The following SASH1 variants were observed in gnomAD, a reference collection of about 807,000 sequenced individuals.
SASH1 encodes SAM and SH3 domain containing 1.
A neutral mutation model predicts 125.2 loss-of-function variants in SASH1; 44 were observed. The ratio of observed to expected loss-of-function variants is 0.35; its 90% CI spans 0.28 to 0.45. The LOEUF is 0.45. Among genes scored for constraint, SASH1 ranks in the 20% least tolerant of loss-of-function variants. SASH1 has a pLI of 1.00. For synonymous variants in SASH1, 639 were observed against 649.1 expected (o/e 0.98, Z 0.24); for missense variants, 1,426 against 1,614.5 (o/e 0.88, Z 2.00).
rs1554235319 is a variant in SASH1 at position 148,326,343 on chromosome 6, T to TATATATGC, written n.74+53972_74+53973insGCATATAT. Among the ~76,000 whole-genome samples the TATATATGC allele has an allele frequency of 1.5e-3, 133 of 88,534 alleles. 5 individuals are homozygous for TATATATGC. The highest frequency in any genetic ancestry group is 4.9e-3 in the African/African-American group (114 of 23,484). The allele number at this position is 88,534 out of a possible 152,430, so 58.1% of individuals were successfully genotyped here. A position where few individuals can be genotyped will look rare whatever the true frequency, so the allele number is the denominator to read the frequency against. ...GCATGCATATATATATATATATATA[T>TATATATGC]ATATATATATATATGCATATATATA... On this transcript the variant is annotated intron_variant and non_coding_transcript_variant, in intron 1 of 3. Transcript: ENST00000367469.
At chr6:148,522,560 T>G (rs1780886492) in intron 10 of SASH1, among the ~76,000 whole-genome samples, 1 of 152,236 alleles carries the variant, frequency 6.6e-6, no homozygotes, top group African/African-American at 2.4e-5. Context: ...TTGTCTCGTA[T>G]TTTATTTGGT....
intron 1 of SASH1, among the ~76,000 whole-genome samples, chr6:148,335,240 G>A (rs1001471126): frequency 6.6e-6 from 1 of 151,512 alleles, no homozygotes; most frequent in Non-Finnish European, 1.5e-5. Flanking sequence ...AGAGGTTGCA[G>A]TGAGCTGAGA....
chr6:148,509,728 G>C (rs1780009497), intron 8 of SASH1, among the ~76,000 whole-genome samples: 1 of 152,252 alleles, frequency 6.6e-6, no homozygotes, highest in Non-Finnish European at 1.5e-5. Flanking sequence ...AGCAGTGACA[G>C]GTTTACTTGG....
chr6:148,473,916 CTCAA>C (rs1392201642), intron 6 of SASH1, among the ~76,000 whole-genome samples, 190 bp from the exon 7 acceptor site: 1 of 152,212 alleles, frequency 6.6e-6, no homozygotes, highest in Non-Finnish European at 1.5e-5. Context: ...AAGCCTGTTT[CTCAA>C]TCAGAGGTGC....
chr6:148,324,851 A>C (rs1031720352), intron 1 of SASH1, among the ~76,000 whole-genome samples: 9 of 152,210 alleles, frequency 5.9e-5, no homozygotes, highest in African/African-American at 1.9e-4. Flanking sequence ...GGGCACCCTA[A>C]GTCTGCTAAC....
At chr6:148,292,056 G>T (rs541417919) in intron 1 of SASH1, among the ~76,000 whole-genome samples, 27 of 152,272 alleles carry the variant, frequency 1.8e-4, no homozygotes, top group Admixed American at 3.3e-4. Flanking sequence ...GGAAAAAAAC[G>T]CCTGAATATG....
At chr6:148,229,548 T>C in the SASH1 span, among the ~76,000 whole-genome samples, 22 of 152,196 alleles carry the variant, frequency 1.4e-4, no homozygotes, top group Middle Eastern at 3.4e-3. Flanking sequence ...ACACCAGAGT[T>C]ATACCTCAAC....
chr6:148,366,054 G>A (rs1562354966), intron 1 of SASH1, among the ~76,000 whole-genome samples: 2 of 151,970 alleles, frequency 1.3e-5, no homozygotes, highest in Admixed American at 1.3e-4. Context: ...TGGAGGTTGC[G>A]GTGAGCCGAG....
intron 2 of SASH1, among the ~76,000 whole-genome samples, chr6:148,437,914 G>C (rs1008337693): frequency 1.3e-5 from 2 of 152,148 alleles, no homozygotes; most frequent in African/African-American, 4.8e-5. Context: ...TTACGTTTGT[G>C]ATATGACATG....
chr6:148,260,223 A>G, the SASH1 span, among the ~76,000 whole-genome samples: 1 of 152,192 alleles, frequency 6.6e-6, no homozygotes, highest in African/African-American at 2.4e-5. Flanking sequence ...TACCATTTTC[A>G]TAATGTTTTT....
chr6:148,261,386 T>C, the SASH1 span, among the ~76,000 whole-genome samples: 1 of 152,180 alleles, frequency 6.6e-6, no homozygotes, highest in African/African-American at 2.4e-5. Context: ...TTATAAAACA[T>C]GTGCCTCTCT....
chr6:148,534,440 C>T (rs533858901), intron 15 of SASH1, among the ~76,000 whole-genome samples: 5 of 152,266 alleles, frequency 3.3e-5, no homozygotes, highest in East Asian at 3.9e-4. Context: ...GGAGGAGTCT[C>T]CTCTGTTGTG....
At chr6:148,219,187 T>C in the SASH1 span, among the ~76,000 whole-genome samples, 2 of 152,302 alleles carry the variant, frequency 1.3e-5, no homozygotes, top group South Asian at 4.1e-4. Flanking sequence ...CTATTTGGCC[T>C]AGGTTCTCCA....
chr6:148,501,246 A>C (rs940770375), intron 8 of SASH1, among the ~76,000 whole-genome samples: 1 of 152,154 alleles, frequency 6.6e-6, no homozygotes, highest in Non-Finnish European at 1.5e-5. Flanking sequence ...CTGTCGGAGA[A>C]GTCATCGTGC....
upstream of SASH1, among the ~76,000 whole-genome samples, chr6:148,271,644 G>C (rs1357959889): frequency 6.6e-6 from 1 of 152,174 alleles, no homozygotes; most frequent in Admixed American, 6.5e-5. Context: ...ACTAGATTAA[G>C]CCCCAGCGAA....
intron 9 of SASH1, among the ~76,000 whole-genome samples, chr6:148,515,229 T>C (rs577128324): frequency 4.3e-4 from 65 of 152,190 alleles, no homozygotes; most frequent in African/African-American, 1.4e-3. Flanking sequence ...TGAAAATAAT[T>C]GAATTGGATA....
intron 4 of SASH1, among the ~76,000 whole-genome samples, chr6:148,462,516 A>G (rs1777661267): frequency 6.6e-6 from 1 of 152,168 alleles, no homozygotes; most frequent in African/African-American, 2.4e-5. Flanking sequence ...TTTGAGCCAT[A>G]GTATTTGGCT....
At chr6:148,518,120 C>T (rs1433877830) in intron 9 of SASH1, among the ~76,000 whole-genome samples, 1 of 152,298 alleles carries the variant, frequency 6.6e-6, no homozygotes, top group East Asian at 1.9e-4. Context: ...TTGGTCTCCA[C>T]ACCTTGTCAG....
chr6:148,432,795 A>G (rs1776119613), intron 2 of SASH1, among the ~76,000 whole-genome samples: 1 of 152,160 alleles, frequency 6.6e-6, no homozygotes, highest in Admixed American at 6.5e-5. Context: ...GGGAGTGGGG[A>G]TGAGGGCATG....
Sources: gnomAD v4.1 joint callset for allele counts (sites outside exome capture counted in the v4.1 genomes callset) on GRCh38, gnomAD v4.1.1 for gene constraint, MANE v1.5 for transcripts, NCBI Gene and HGNC (gene_info 2026-07-23, HGNC 2026-07-21) for gene names.